SPATA17: variants seen among roughly 807,000 people sequenced by gnomAD.
The protein encoded by SPATA17 is spermatogenesis-associated protein 17.
Under a neutral mutation model 62.2 loss-of-function variants are expected in SPATA17, and 53 were observed. That is an observed-to-expected ratio of 0.85 (90% CI 0.68 to 1.07). SPATA17 has a LOEUF of 1.07. Among genes scored for constraint, SPATA17 ranks in the 50% least tolerant of loss-of-function variants. SPATA17 has a pLI of 0.00. For synonymous variants in SPATA17, 146 were observed against 146.8 expected, an observed-to-expected ratio of 0.99 and a Z score of 0.04; for missense variants, 466 against 425.5, an observed-to-expected ratio of 1.10 and a Z score of -0.84.
intron 7 of SPATA17, among the ~76,000 whole-genome samples, chr1:217,778,224 A>G (rs1316529376): frequency 2.6e-5 from 4 of 152,138 alleles, no homozygotes; most frequent in African/African-American, 9.7e-5. Context: ...AATAATCCAC[A>G]CTGCTGGTGG....
intron 1 of SPATA17, among the ~76,000 whole-genome samples, chr1:217,639,118 T>C (rs1670000980): frequency 6.6e-6 from 1 of 152,112 alleles, no homozygotes; most frequent in Non-Finnish European, 1.5e-5. Context: ...CTGAGTCCTA[T>C]ATAGAATTTC....
Position 217,741,978 on chromosome 1 carries a change from G to C in SPATA17, c.399G>C (p.Lys133Asn), listed in dbSNP as rs767485488. 1 of 1,613,840 alleles carries C rather than the reference G, an allele frequency of 6.2e-7. No homozygotes were observed. The highest frequency in any genetic ancestry group is 8.5e-7 in the Non-Finnish European group (1 of 1,179,922). ...VVSETNDAIR[K>N]ALEEFAEMKE... is the part of the protein sequence containing the mutation. ...ACTGCAGATGGTTTTGATGCAGGAAGGCACTGGAGGAGTTTGCAGAAATGA... is the reference window on the plus strand; with the variant it reads ...ACTGCAGATGGTTTTGATGCAGGAACGCACTGGAGGAGTTTGCAGAAATGA... The change falls in exon 6 of 11, where the codon AAG becomes AAC. Residue 133 changes from lysine (K) to asparagine (N), a missense_variant. Transcript: ENST00000366933.
At chr1:217,735,746 TAAAAAGAAGAGACTATA>T (rs969049945) in intron 5 of SPATA17, among the ~76,000 whole-genome samples, 5 of 152,098 alleles carry the variant, frequency 3.3e-5, no homozygotes, top group African/African-American at 4.8e-5. Flanking sequence ...GTTCTTGACT[TAAAAAGAAGAGACTATA>T]AAAATTATAA....
chr1:217,861,901 G>T (rs1403296087), intron 9 of SPATA17, among the ~76,000 whole-genome samples: 1 of 152,036 alleles, frequency 6.6e-6, no homozygotes, highest in African/African-American at 2.4e-5. Context: ...AGATATTTAG[G>T]GTTAGAGGCT....
chr1:217,749,977 CTCTCTCTCTATATA>C (rs1196158333), intron 6 of SPATA17, among the ~76,000 whole-genome samples: 1 of 35,682 alleles, frequency 2.8e-5, no homozygotes, highest in Non-Finnish European at 6.1e-5. Context: ...CTCTCTCTCT[CTCTCTCTCTATATA>C]TATATATATA....
intron 5 of SPATA17, among the ~76,000 whole-genome samples, chr1:217,706,911 G>A (rs1671750785): frequency 6.7e-6 from 1 of 150,350 alleles, no homozygotes; most frequent in Non-Finnish European, 1.5e-5. Context: ...CTTTCACCCA[G>A]GCTGGAGTGC....
Position 217,786,186 on chromosome 1 carries a change from A to C in SPATA17, c.872+3864A>C, listed in dbSNP as rs568700506. 1.8e-4 allele frequency among the ~76,000 whole-genome samples: 28 copies of C among 152,308 alleles called. 3 individuals carry two copies. In the South Asian group the frequency reaches 5.8e-3, roughly 32 times the overall value. The stretch of plus-strand genomic sequence containing the variant: ...CATAGCCTCTACTCTCGTGAAACTT[A>C]TATAGCTGAAACTAACCAGGAAACC... On this transcript the variant is annotated intron_variant, in intron 8 of 10. Coordinates refer to ENST00000366933, the MANE Select transcript of SPATA17 (RefSeq NM_138796.4).
intron 9 of SPATA17, among the ~76,000 whole-genome samples, chr1:217,842,629 T>A (rs1294622917): frequency 1.3e-5 from 2 of 152,030 alleles, no homozygotes; most frequent in Non-Finnish European, 2.9e-5. Flanking sequence ...TGCAGTGATG[T>A]CACCTTTTTA....
At chr1:217,811,281 G>A (rs924220445) in intron 9 of SPATA17, among the ~76,000 whole-genome samples, 3 of 152,048 alleles carry the variant, frequency 2.0e-5, no homozygotes, top group African/African-American at 7.2e-5. Context: ...TCAAGCCAAG[G>A]CTTCCCAAAG....
intron 5 of SPATA17, among the ~76,000 whole-genome samples, chr1:217,688,030 C>T (rs1671259960): frequency 6.6e-6 from 1 of 152,100 alleles, no homozygotes; most frequent in Non-Finnish European, 1.5e-5. Flanking sequence ...TTCTGTGCCT[C>T]ATCTTCAGCT....
At chr1:217,818,293 A>G (rs919823724) in intron 9 of SPATA17, among the ~76,000 whole-genome samples, 2 of 151,920 alleles carry the variant, frequency 1.3e-5, no homozygotes, top group African/African-American at 4.8e-5. Flanking sequence ...GCTCTGACTA[A>G]TTTTCTTTGT....
chr1:217,860,952 A>C (rs193238947), intron 9 of SPATA17, among the ~76,000 whole-genome samples: 1 of 152,018 alleles, frequency 6.6e-6, no homozygotes, highest in African/African-American at 2.4e-5. Flanking sequence ...TATATTATTT[A>C]ATTTTCTTTC....
chr1:217,718,983 C>T (rs949507100), intron 5 of SPATA17, among the ~76,000 whole-genome samples: 3 of 152,200 alleles, frequency 2.0e-5, no homozygotes, highest in East Asian at 3.8e-4. Flanking sequence ...AAACTGACCA[C>T]GAACAAAGAA....
chr1:217,705,545 A>G (rs1671715424), intron 5 of SPATA17, among the ~76,000 whole-genome samples: 1 of 146,426 alleles, frequency 6.8e-6, no homozygotes, highest in African/African-American at 2.6e-5. Context: ...GGTTCAAGCA[A>G]TTCTCCTGCC....
chr1:217,687,245 T>C (rs1362595910), intron 5 of SPATA17, among the ~76,000 whole-genome samples: 1 of 152,078 alleles, frequency 6.6e-6, no homozygotes, highest in African/African-American at 2.4e-5. Flanking sequence ...ATATATAATG[T>C]TCTCATATTC....
chr1:217,813,598 A>G (rs1381866106), intron 9 of SPATA17, among the ~76,000 whole-genome samples: 1 of 152,122 alleles, frequency 6.6e-6, no homozygotes, highest in African/African-American at 2.4e-5. Flanking sequence ...AATTGAGGGA[A>G]AATATTTTGC....
chr1:217,766,112 G>GACA (rs1438036286), intron 6 of SPATA17, among the ~76,000 whole-genome samples: 1 of 151,682 alleles, frequency 6.6e-6, no homozygotes, highest in Non-Finnish European at 1.5e-5. Flanking sequence ...TATCCACTCT[G>GACA]ACAATCTCTA....
chr1:217,696,028 G>C (rs960120688), intron 5 of SPATA17, among the ~76,000 whole-genome samples: 14 of 151,870 alleles, frequency 9.2e-5, no homozygotes, highest in African/African-American at 2.9e-4. Flanking sequence ...CACCCAGTTC[G>C]AGCTTCCTGG....
chr1:217,677,117 CAGT>C (rs1479260819), intron 4 of SPATA17, among the ~76,000 whole-genome samples: 2 of 152,030 alleles, frequency 1.3e-5, no homozygotes, highest in African/African-American at 4.8e-5. Flanking sequence ...ACAAGAGAAA[CAGT>C]AGAACAGAGG....
Sources: allele counts gnomAD v4.1 joint callset (sites outside exome capture counted in the v4.1 genomes callset), GRCh38; gene constraint gnomAD v4.1.1; transcripts MANE v1.5; gene names NCBI Gene and HGNC (gene_info 2026-07-23, HGNC 2026-07-21).